Variants in XYLT1 observed in about 807,000 individuals in gnomAD.
XYLT1 encodes beta-D-xylosyltransferase 1.
In XYLT1, 36 loss-of-function variants were observed where a neutral mutation model predicts 91.3. The observed-to-expected ratio is 0.39, with a 90% CI of 0.30 to 0.52. The LOEUF (loss-of-function observed/expected upper bound fraction) is 0.52. Ranked by LOEUF, XYLT1 falls within the 20% of genes least tolerant of loss-of-function variation. XYLT1 has a pLI of 0.68. For synonymous variants in XYLT1, 588 were observed against 532.0 expected (o/e 1.11, Z -1.45); for missense variants, 1,242 against 1,284.5 (o/e 0.97, Z 0.51).
intron 2 of XYLT1, among the ~76,000 whole-genome samples, chr16:17,267,390 TTGA>T (rs1304747550): frequency 1.3e-5 from 2 of 152,208 alleles, no homozygotes; most frequent in African/African-American, 2.4e-5. Context: ...GCCTTGTCAC[TTGA>T]TGAGCAAGTC....
intron 5 of XYLT1, among the ~76,000 whole-genome samples, chr16:17,174,260 A>T (rs1344694928): frequency 1.3e-5 from 2 of 152,236 alleles, no homozygotes; most frequent in African/African-American, 4.8e-5. Context: ...CACATATGTT[A>T]AGAGTCATTG....
At chr16:17,467,809 C>A (rs746758515) in intron 1 of XYLT1, among the ~76,000 whole-genome samples, 16 of 152,218 alleles carry the variant, frequency 1.1e-4, no homozygotes, top group Non-Finnish European at 2.1e-4. Flanking sequence ...ACCCAGGACA[C>A]AGGTTCCCTC....
intron 1 of XYLT1, among the ~76,000 whole-genome samples, chr16:17,422,842 A>G (rs1288181588): frequency 2.0e-5 from 3 of 152,082 alleles, no homozygotes. Context: ...TTGAAACACA[A>G]GTTAGATCTT....
At chr16:17,296,179 C>T (rs191257573) in intron 2 of XYLT1, among the ~76,000 whole-genome samples, 168 of 151,958 alleles carry the variant, frequency 1.1e-3, no homozygotes, top group African/African-American at 3.9e-3. Context: ...TGGAAAGCTG[C>T]GGTAACATGG....
intron 1 of XYLT1, among the ~76,000 whole-genome samples, chr16:17,366,196 C>G (rs545584076): frequency 4.6e-5 from 7 of 151,634 alleles, no homozygotes; most frequent in Non-Finnish European, 7.4e-5. Context: ...GATTTAGCAA[C>G]ACTGGATGTG....
chr16:17,394,406 A>G (rs955597967), intron 1 of XYLT1, among the ~76,000 whole-genome samples: 13 of 152,194 alleles, frequency 8.5e-5, no homozygotes, highest in Admixed American at 7.9e-4. Context: ...ACGATCCACC[A>G]AGTCCAACCC....
In XYLT1 at chr16:17,140,658, C is replaced by CAA. The variant is rs71137974; in HGVS notation, c.1587+493_1587+494dup. Among the ~76,000 whole-genome samples the CAA allele has an allele frequency of 4.4e-5, 3 of 68,004 alleles. 1 individual carries two copies. The highest frequency in any genetic ancestry group is 1.8e-4 in the African/African-American group (3 of 17,082). The allele number at this position is 68,004 out of a possible 152,430, so 44.6% of individuals were successfully genotyped here. Reference sequence around the variant, plus strand: ...CCTGGATGACAGAGGAAGACTGTCTCAAAAAAAAAAAAAAAAAAAAAAAAA... The same window carrying CAA: ...CCTGGATGACAGAGGAAGACTGTCTCAAAAAAAAAAAAAAAAAAAAAAAAAAA... On this transcript the variant is annotated intron_variant, in intron 7 of 11. Transcript: ENST00000261381.
At chr16:17,166,974 G>C (rs1403735171) in intron 5 of XYLT1, among the ~76,000 whole-genome samples, 4 of 152,218 alleles carry the variant, frequency 2.6e-5, no homozygotes, top group Non-Finnish European at 5.9e-5. Flanking sequence ...ATTGCAGAAA[G>C]ATTTCCCTTT....
rs375213579 is a variant in XYLT1, at chr16:17,166,339, ATT to A, written c.1290-7432_1290-7431del. On this transcript the variant is annotated intron_variant, in intron 5 of 11. Transcript: ENST00000261381. ...GGCTGTAGTCCTGGGATGAGCAGGC[ATT>A]GAGTCCAATTCCCATCTGTTCCTCC... Among the ~76,000 whole-genome samples, 338 of 152,270 alleles carry A rather than the reference ATT, an allele frequency of 2.2e-3. 3 individuals are homozygous for A. The highest frequency in any genetic ancestry group is 7.7e-3 in the African/African-American group (321 of 41,548).
intron 1 of XYLT1, among the ~76,000 whole-genome samples, chr16:17,466,920 CCT>C (rs1347549803): frequency 6.6e-6 from 1 of 151,960 alleles, no homozygotes; most frequent in Admixed American, 6.6e-5. Context: ...AATAACATAC[CCT>C]GTTTTCTGTG....
chr16:17,264,263 C>T (rs75154672), intron 2 of XYLT1, among the ~76,000 whole-genome samples: 3,095 of 152,264 alleles, frequency 0.02, 101 homozygotes, highest in African/African-American at 0.069. Flanking sequence ...ACTACTACTT[C>T]ACTCTCTGGT....
intron 2 of XYLT1, among the ~76,000 whole-genome samples, chr16:17,350,533 G>A (rs760388973): frequency 6.6e-6 from 1 of 152,222 alleles, no homozygotes; most frequent in Non-Finnish European, 1.5e-5. Flanking sequence ...TAGAGAGGCA[G>A]CAAATCACAG....
chr16:17,331,165 G>A (rs1023299569), intron 2 of XYLT1, among the ~76,000 whole-genome samples: 3 of 152,214 alleles, frequency 2.0e-5, no homozygotes, highest in African/African-American at 7.2e-5. Flanking sequence ...AGCCAAGAAG[G>A]CAATGACCCA....
In XYLT1 at chr16:17,428,105, T is replaced by C. The variant is rs368153499; in HGVS notation, c.363+42329A>G. On this transcript the variant is annotated intron_variant, in intron 1 of 11. Transcript: ENST00000261381. ...TCCCAGGTTCAAGCGATTCTCACCC[T>C]CCTGAGTAGCTGGGATTACAGGCAC... Among the ~76,000 whole-genome samples the C allele has an allele frequency of 7.9e-5, 12 of 152,224 alleles. No individual in the cohort carries two copies. In the East Asian group the frequency reaches 9.7e-4, roughly 12 times the overall value.
chr16:17,257,335 G>C (rs1453855736), intron 3 of XYLT1, among the ~76,000 whole-genome samples: 4 of 152,180 alleles, frequency 2.6e-5, no homozygotes, highest in African/African-American at 7.2e-5. Context: ...GCTGGTAGCT[G>C]AGCTTGAATG....
At chr16:17,332,527 G>A (rs1036506638) in intron 2 of XYLT1, among the ~76,000 whole-genome samples, 3 of 151,284 alleles carry the variant, frequency 2.0e-5, no homozygotes, top group Non-Finnish European at 4.4e-5. Flanking sequence ...GTGCCACTGC[G>A]CTCCAGCCTG....
chr16:17,255,711 TA>T (rs1397768706), intron 3 of XYLT1, among the ~76,000 whole-genome samples: 3 of 152,170 alleles, frequency 2.0e-5, no homozygotes, highest in African/African-American at 4.8e-5. Context: ...TCTTTCTATT[TA>T]AAAGTATCGT....
intron 1 of XYLT1, among the ~76,000 whole-genome samples, chr16:17,370,211 A>C (rs1253228080): frequency 6.6e-6 from 1 of 152,182 alleles, no homozygotes; most frequent in Non-Finnish European, 1.5e-5. Context: ...CAGAAAGCCA[A>C]ATTTGCCAGA....
intron 2 of XYLT1, among the ~76,000 whole-genome samples, chr16:17,261,843 G>A (rs1046430837): frequency 6.6e-6 from 1 of 152,174 alleles, no homozygotes; most frequent in African/African-American, 2.4e-5. Flanking sequence ...GGCGGCTACT[G>A]GTTGTACACA....
Sources: allele counts gnomAD v4.1 joint callset (sites outside exome capture counted in the v4.1 genomes callset), GRCh38; gene constraint gnomAD v4.1.1; transcripts MANE v1.5; gene names NCBI Gene and HGNC (gene_info 2026-07-23, HGNC 2026-07-21).